The following CTNNA3 variants were observed in gnomAD, a reference collection of about 807,000 sequenced individuals.
CTNNA3 encodes catenin alpha-3.
CTNNA3 carries 76 observed loss-of-function variants against 95.7 expected under a neutral mutation model. That is an observed-to-expected ratio of 0.79 (90% CI 0.66 to 0.96). The LOEUF (loss-of-function observed/expected upper bound fraction) is 0.96, where lower values mean the gene tolerates loss of function less well. CTNNA3 is among the 40% of genes least tolerant of loss of function. The pLI is 0.00. For missense variants in CTNNA3, 1,191 were observed against 1,089.8 expected, an observed-to-expected ratio of 1.09 and a Z score of -1.31; for synonymous variants, 431 against 374.4, an observed-to-expected ratio of 1.15 and a Z score of -1.74.
intron 5 of CTNNA3, among the ~76,000 whole-genome samples, chr10:67,257,204 G>A (rs968103403): frequency 6.6e-6 from 1 of 152,186 alleles, no homozygotes; most frequent in African/African-American, 2.4e-5. Context: ...ATGTGTGAGA[G>A]ATAATTGCAT....
intron 13 of CTNNA3, among the ~76,000 whole-genome samples, chr10:66,189,548 C>T (rs2086538682): frequency 6.7e-6 from 1 of 149,284 alleles, no homozygotes; most frequent in South Asian, 2.1e-4. Flanking sequence ...TGTTCTGTTG[C>T]TCTATGTTCC....
rs543745308 is a variant in CTNNA3 at position 67,723,571 on chromosome 10, C to T, written c.-2+39863G>A. Among the ~76,000 whole-genome samples, 12 of 152,260 alleles carry T rather than the reference C, an allele frequency of 7.9e-5. No homozygotes were observed. In the South Asian group the frequency reaches 2.5e-3, roughly 32 times the overall value. ...AGCCTCCCAAAGCACTGGGATTACA[C>T]GCATAAGCCACCATGCCCGGCATCT... On this transcript the variant is annotated intron_variant, in intron 1 of 17. Transcript: ENST00000684154.
chr10:66,546,185 T>G (rs1292535112), intron 10 of CTNNA3, among the ~76,000 whole-genome samples: 1 of 151,966 alleles, frequency 6.6e-6, no homozygotes, highest in African/African-American at 2.4e-5. Context: ...TATGAAGATA[T>G]TCTACACTAT....
chr10:66,207,724 A>T (rs1408032842), intron 13 of CTNNA3, among the ~76,000 whole-genome samples: 2 of 152,184 alleles, frequency 1.3e-5, no homozygotes, highest in African/African-American at 2.4e-5. Context: ...TATAAATATA[A>T]TAATCGCTTT....
intron 7 of CTNNA3, among the ~76,000 whole-genome samples, chr10:66,995,618 TA>T (rs1851284198): frequency 6.6e-6 from 1 of 152,214 alleles, no homozygotes; most frequent in Non-Finnish European, 1.5e-5. Context: ...TACATCTCTA[TA>T]TTTTTTTATT....
intron 11 of CTNNA3, among the ~76,000 whole-genome samples, chr10:66,462,460 T>G (rs1165301787): frequency 6.6e-6 from 1 of 152,158 alleles, no homozygotes; most frequent in Non-Finnish European, 1.5e-5. Flanking sequence ...CATTATAATT[T>G]TAATCTAATT....
chr10:66,346,240 TATATATAGAGAGAGAG>T (rs1420011100), intron 12 of CTNNA3, among the ~76,000 whole-genome samples: 327 of 11,206 alleles, frequency 0.029, no homozygotes, highest in East Asian at 0.058. Context: ...TATATATATA[TATATATAGAGAGAGAG>T]AGAGAGAGAG....
chr10:67,413,511 C>T (rs1336337804), intron 5 of CTNNA3, among the ~76,000 whole-genome samples: 1 of 151,980 alleles, frequency 6.6e-6, no homozygotes, highest in Admixed American at 6.6e-5. Context: ...ACTTCAACAC[C>T]CTACTGACAA....
intron 11 of CTNNA3, among the ~76,000 whole-genome samples, chr10:66,418,998 T>C (rs1279831781): frequency 6.6e-6 from 1 of 151,962 alleles, no homozygotes; most frequent in African/African-American, 2.4e-5. Flanking sequence ...CCATTCCTAA[T>C]CAACAAAGCA....
At chr10:66,264,584 T>A (rs7910366) in intron 13 of CTNNA3, among the ~76,000 whole-genome samples, 1 of 151,978 alleles carries the variant, frequency 6.6e-6, no homozygotes, top group African/African-American at 2.4e-5. Context: ...TTTATATCAT[T>A]TTTCCTTGAT....
In CTNNA3 at chr10:66,167,916, C is replaced by T. The variant is rs75112511; in HGVS notation, c.1885-64667G>A. ...GCCTGCCTTAATATCCCAGATACAC[C>T]TAGTCATCGGCTAAGCACAGCCCAT... is the stretch of plus-strand genomic sequence containing the variant. On this transcript the variant is annotated intron_variant, in intron 13 of 17. Transcript: ENST00000433211. Among the ~76,000 whole-genome samples the T allele has an allele frequency of 8.4e-3, 1,279 of 152,242 alleles. 30 individuals carry two copies. The highest frequency in any genetic ancestry group is 0.029 in the African/African-American group (1,189 of 41,538).
At chr10:66,982,078 G>A (rs1222988800) in intron 7 of CTNNA3, among the ~76,000 whole-genome samples, 1 of 152,122 alleles carries the variant, frequency 6.6e-6, no homozygotes, top group East Asian at 1.9e-4. Flanking sequence ...TTAGATAGAT[G>A]AGAATTCCAC....
chr10:66,931,375 C>T (rs1358121573), intron 7 of CTNNA3, among the ~76,000 whole-genome samples: 1 of 152,148 alleles, frequency 6.6e-6, no homozygotes, highest in African/African-American at 2.4e-5. Context: ...GTCCCAGTGC[C>T]ACAGTCTTGT....
intron 7 of CTNNA3, among the ~76,000 whole-genome samples, chr10:67,064,102 G>C (rs1294508118): frequency 6.6e-6 from 1 of 152,112 alleles, no homozygotes; most frequent in African/African-American, 2.4e-5. Context: ...GTTAGCCCTT[G>C]AGTCATCTTC....
intron 13 of CTNNA3, among the ~76,000 whole-genome samples, chr10:66,143,844 A>C (rs1437447572): frequency 6.6e-6 from 1 of 152,192 alleles, no homozygotes; most frequent in African/African-American, 2.4e-5. Context: ...CAATTTTCAG[A>C]GTCTGATTTA....
intron 1 of CTNNA3, among the ~76,000 whole-genome samples, chr10:67,704,033 CA>C (rs1841061647): frequency 6.6e-6 from 1 of 152,132 alleles, no homozygotes; most frequent in Non-Finnish European, 1.5e-5. Context: ...ACAATTGCTT[CA>C]AAGAGAATAA....
At position 65,920,231 on chromosome 10, in the gene CTNNA3, C is replaced by T; in HGVS notation, c.*99G>A. On this transcript the variant is annotated 3_prime_UTR_variant, in exon 18 of 18. Coordinates refer to ENST00000433211, the MANE Select transcript of CTNNA3 (RefSeq NM_013266.4). ...TTTTATGTTATTTGTGAGTTAAACA[C>T]CAAAACTTAGTGAAATTACAGAACT... is the stretch of plus-strand genomic sequence containing the variant. 1.9e-6 allele frequency: 2 copies of T among 1,080,508 alleles called. No individual in the cohort carries two copies. Among genetic ancestry groups the T allele is most frequent in the South Asian group, 1.5e-5 (1 of 64,626 alleles). The allele number at this position is 1,080,508 out of a possible 1,614,324, so 66.9% of individuals were successfully genotyped here. A position where few individuals can be genotyped will look rare whatever the true frequency, so the allele number is the denominator to read the frequency against.
intron 15 of CTNNA3, among the ~76,000 whole-genome samples, chr10:66,040,320 A>G (rs1254597883): frequency 1.3e-5 from 2 of 152,126 alleles, no homozygotes. Flanking sequence ...CAGTGTGACA[A>G]TTCCTCAAAG....
intron 2 of CTNNA3, among the ~76,000 whole-genome samples, chr10:67,638,449 G>C (rs1002658156): frequency 6.6e-6 from 1 of 152,000 alleles, no homozygotes; most frequent in Admixed American, 6.6e-5. Flanking sequence ...AGACAGATCA[G>C]TGAGACAGAA....
Sources: gnomAD v4.1 joint callset for allele counts (sites outside exome capture counted in the v4.1 genomes callset) on GRCh38, gnomAD v4.1.1 for gene constraint, MANE v1.5 for transcripts, NCBI Gene and HGNC (gene_info 2026-07-23, HGNC 2026-07-21) for gene names.